The following ITGA9 variants were observed in gnomAD, a reference collection of about 807,000 sequenced individuals.
ITGA9 encodes integrin alpha-9.
ITGA9 carries 56 observed loss-of-function variants against 127.8 expected under a neutral mutation model. The ratio of observed to expected loss-of-function variants is 0.44; its 90% CI spans 0.35 to 0.55. The LOEUF is 0.55. Ranked by LOEUF, ITGA9 falls within the 20% of genes least tolerant of loss-of-function variation. The probability of loss-of-function intolerance (pLI) is 0.00; values close to 1 mark genes in which losing one functional copy is unlikely to be tolerated. For synonymous variants in ITGA9, 508 were observed against 514.5 expected (o/e 0.99, Z 0.17); for missense variants, 1,196 against 1,347.1 (o/e 0.89, Z 1.76).
intron 18 of ITGA9, among the ~76,000 whole-genome samples, chr3:37,702,131 G>A (rs1700953267): frequency 6.6e-6 from 1 of 152,146 alleles, no homozygotes; most frequent in African/African-American, 2.4e-5. Context: ...AGGGTGGTGA[G>A]GGTACAGGTC....
intron 23 of ITGA9, among the ~76,000 whole-genome samples, chr3:37,773,054 C>T (rs1696863482): frequency 6.6e-6 from 1 of 152,226 alleles, no homozygotes; most frequent in Non-Finnish European, 1.5e-5. Context: ...CTCCCTGCCC[C>T]TCTCCGCTGG....
intron 1 of ITGA9, among the ~76,000 whole-genome samples, chr3:37,470,632 TC>T (rs1274924971): frequency 1.3e-5 from 2 of 152,224 alleles, no homozygotes; most frequent in Non-Finnish European, 2.9e-5. Context: ...CATCGCAGTC[TC>T]CTGGGTAGGT....
At chr3:37,587,726 T>G (rs762663602) in intron 15 of ITGA9, among the ~76,000 whole-genome samples, 4 of 152,250 alleles carry the variant, frequency 2.6e-5, no homozygotes, top group Non-Finnish European at 5.9e-5. Context: ...TTGAGCAGTT[T>G]CCAATCTTCA....
chr3:37,474,733 A>G (rs956113712), intron 3 of ITGA9, among the ~76,000 whole-genome samples: 1 of 152,250 alleles, frequency 6.6e-6, no homozygotes, highest in Non-Finnish European at 1.5e-5. Context: ...AAGAGGGGAA[A>G]GTAATACTAG....
rs566412093 is a variant in ITGA9, at chr3:37,819,662, A to G, written c.*673A>G. The G allele has an allele frequency of 1.3e-4, 20 of 152,532 alleles. No homozygotes were observed. The highest frequency in any genetic ancestry group is 4.6e-4 in the African/African-American group (19 of 41,580). 9.4% of individuals were successfully genotyped at this position (152,532 alleles called of 1,614,324 possible). On this transcript the variant is annotated 3_prime_UTR_variant, in exon 28 of 28. Transcript: ENST00000264741. ...TAAAGAACTGTAAGTGTTTTTTCAT[A>G]TGTACTTTTCATTGGAAGATTCCCA...
At chr3:37,741,594 A>G (rs752243159) in intron 20 of ITGA9, 136 bp from the exon 21 acceptor site, 100 of 733,414 alleles carry the variant, frequency 1.4e-4, no homozygotes, top group Non-Finnish European at 2.2e-4. Flanking sequence ...ACAGGGACCA[A>G]AAACAGACTG....
intron 8 of ITGA9, among the ~76,000 whole-genome samples, chr3:37,512,068 C>G (rs1300234396): frequency 1.7e-5 from 1 of 60,598 alleles, no homozygotes; most frequent in Non-Finnish European, 3.3e-5. Flanking sequence ...TTCTTTCTTT[C>G]TTTCTTTCCT....
At chr3:37,759,008 GA>G (rs1441152097) in intron 23 of ITGA9, among the ~76,000 whole-genome samples, 1 of 151,290 alleles carries the variant, frequency 6.6e-6, no homozygotes, top group Non-Finnish European at 1.5e-5. Flanking sequence ...GCTGATCCAG[GA>G]CAGCCCCTAC....
chr3:37,466,483 C>CA (rs60980366), intron 1 of ITGA9, among the ~76,000 whole-genome samples: 9,127 of 25,722 alleles, frequency 0.35, 3,214 homozygotes, highest in East Asian at 0.5. Flanking sequence ...GACACCATCT[C>CA]AAAAAAAAAA....
At chr3:37,704,943 A>C (rs1700987874) in intron 18 of ITGA9, among the ~76,000 whole-genome samples, 1 of 152,218 alleles carries the variant, frequency 6.6e-6, no homozygotes, top group South Asian at 2.1e-4. Context: ...TAAGAGACTG[A>C]ATGAATAACA....
intron 18 of ITGA9, among the ~76,000 whole-genome samples, chr3:37,720,202 G>A (rs985804888): frequency 1.3e-5 from 2 of 152,204 alleles, no homozygotes; most frequent in Non-Finnish European, 2.9e-5. Context: ...GAGCAGAGTA[G>A]AAGGGGGTTT....
At chr3:37,616,043 T>A (rs1276950856) in intron 15 of ITGA9, among the ~76,000 whole-genome samples, 1 of 152,260 alleles carries the variant, frequency 6.6e-6, no homozygotes, top group African/African-American at 2.4e-5. Context: ...TCTAGTTCTT[T>A]TAATTGTGAT....
At chr3:37,735,974 T>G (rs9814306) in intron 19 of ITGA9, among the ~76,000 whole-genome samples, 4 of 152,108 alleles carry the variant, frequency 2.6e-5, no homozygotes, top group African/African-American at 9.7e-5. Context: ...TTCAAGGTCA[T>G]GGTCCCGGCA....
intron 18 of ITGA9, among the ~76,000 whole-genome samples, chr3:37,717,678 C>T (rs1034048698): frequency 6.6e-6 from 1 of 152,276 alleles, no homozygotes; most frequent in Admixed American, 6.5e-5. Context: ...AATCCACCTC[C>T]ATGATCCAGT....
At chr3:37,585,988 G>A (rs959963186) in intron 15 of ITGA9, among the ~76,000 whole-genome samples, 4 of 152,178 alleles carry the variant, frequency 2.6e-5, no homozygotes, top group Admixed American at 2.0e-4. Context: ...TGATTCTCAC[G>A]TTCTGGTCTG....
chr3:37,818,611 T>C, intron 27 of ITGA9: 2 of 471,736 alleles, frequency 4.2e-6, no homozygotes, highest in Non-Finnish European at 7.8e-6. Flanking sequence ...TCTCAGTAAC[T>C]GGTATTCCCC....
At chr3:37,506,464 T>A (rs1005712602) in intron 7 of ITGA9, among the ~76,000 whole-genome samples, 16 of 152,202 alleles carry the variant, frequency 1.1e-4, no homozygotes, top group African/African-American at 3.6e-4. Flanking sequence ...TGGAGCTAGG[T>A]CCAGTCTCAG....
intron 23 of ITGA9, chr3:37,753,653 G>C (rs1696616365): frequency 6.6e-6 from 1 of 152,226 alleles, no homozygotes; most frequent in South Asian, 2.1e-4. Context: ...TATTTTGGCA[G>C]AATGACAGAG....
intron 1 of ITGA9, among the ~76,000 whole-genome samples, chr3:37,468,087 A>G (rs1698390559): frequency 1.3e-5 from 2 of 152,110 alleles, no homozygotes; most frequent in South Asian, 4.1e-4. Context: ...TGTTTGGGAA[A>G]GTGCTTGCTT....
Sources: allele counts gnomAD v4.1 joint callset (sites outside exome capture counted in the v4.1 genomes callset), GRCh38; gene constraint gnomAD v4.1.1; transcripts MANE v1.5; gene names NCBI Gene and HGNC (gene_info 2026-07-23, HGNC 2026-07-21).